Variants in ACVR1C observed in about 807,000 individuals in gnomAD.
ACVR1C encodes activin A receptor type 1C, also known as activin receptor type-1C.
ACVR1C carries 23 observed loss-of-function variants against 57.9 expected under a neutral mutation model. The observed-to-expected ratio is 0.40, with a 90% confidence interval of 0.29 to 0.56. The LOEUF (loss-of-function observed/expected upper bound fraction) is 0.56. ACVR1C is among the 20% of genes least tolerant of loss of function. ACVR1C has a pLI of 0.50. For missense variants in ACVR1C, 480 were observed against 607.9 expected (o/e 0.79, Z 2.21); for synonymous variants, 214 against 215.3 (o/e 0.99, Z 0.05).
At chr2:157,595,670 T>A (rs1209526572) in intron 1 of ACVR1C, among the ~76,000 whole-genome samples, 1 of 152,172 alleles carries the variant, frequency 6.6e-6, no homozygotes, top group Non-Finnish European at 1.5e-5. Context: ...TCCACAATCA[T>A]TATCATGACC....
At chr2:157,562,075 T>A (rs1020085191) in intron 2 of ACVR1C, among the ~76,000 whole-genome samples, 1 of 152,010 alleles carries the variant, frequency 6.6e-6, no homozygotes. Context: ...GGTGGGCGGA[T>A]CATGAGGTAA....
At chr2:157,547,250 C>T (rs13393674) in intron 4 of ACVR1C, among the ~76,000 whole-genome samples, 12,731 of 119,078 alleles carry the variant, frequency 0.11, 959 homozygotes, top group African/African-American at 0.17. Flanking sequence ...CAAGTCTTTG[C>T]TATTGTGAAT....
chr2:157,577,590 GTTTA>G (rs1237092327), intron 2 of ACVR1C, among the ~76,000 whole-genome samples: 1 of 151,954 alleles, frequency 6.6e-6, no homozygotes, highest in Non-Finnish European at 1.5e-5. Context: ...ACTTTTGTTT[GTTTA>G]ATATATGTAT....
intron 3 of ACVR1C, among the ~76,000 whole-genome samples, chr2:157,555,737 T>G (rs572103333): frequency 6.6e-6 from 1 of 152,176 alleles, no homozygotes; most frequent in African/African-American, 2.4e-5. Context: ...CTAACTCTTT[T>G]GTGTCCATAA....
intron 3 of ACVR1C, among the ~76,000 whole-genome samples, chr2:157,552,182 G>C (rs1464341969): frequency 6.6e-6 from 1 of 152,142 alleles, no homozygotes; most frequent in Non-Finnish European, 1.5e-5. Flanking sequence ...TGTCAGGCTG[G>C]AGTGCAGTGG....
chr2:157,533,899 T>C lies in ACVR1C; in HGVS notation c.*19A>G. 1 of 1,526,162 alleles carries C rather than the reference T, an allele frequency of 6.6e-7. No individual in the cohort carries two copies. The highest frequency in any genetic ancestry group is 8.8e-7 in the Non-Finnish European group (1 of 1,142,208). The allele number at this position is 1,526,162 out of a possible 1,614,324, so 94.5% of individuals were successfully genotyped here. A position where few individuals can be genotyped will look rare whatever the true frequency, so the allele number is the denominator to read the frequency against. ...AAAAGAAAGCTATGAGAGATTTCTTTTTAACATAATTATCATCATTAGGCT... is the reference window on the plus strand; with the variant it reads ...AAAAGAAAGCTATGAGAGATTTCTTCTTAACATAATTATCATCATTAGGCT... On this transcript the variant is annotated 3_prime_UTR_variant, in exon 9 of 9. Transcript: ENST00000243349.
Position 157,553,396 on chromosome 2 carries a change from CT to C in ACVR1C, c.544+2696del, listed in dbSNP as rs534657737. 4.0e-3 allele frequency among the ~76,000 whole-genome samples: 582 copies of C among 146,332 alleles called. 1 individual carries two copies. Among genetic ancestry groups the C allele is most frequent in the African/African-American group, 5.6e-3 (228 of 40,354 alleles). On this transcript the variant is annotated intron_variant, in intron 3 of 8. Transcript: ENST00000243349. Reference sequence around the variant, plus strand: ...CATCCATGCTTGGGTACATTTACTACTTTTTTTTTTTTTAAATGAGAGATCT... The same window carrying C: ...CATCCATGCTTGGGTACATTTACTACTTTTTTTTTTTTAAATGAGAGATCT...
At chr2:157,563,697 T>C (rs753685032) in intron 2 of ACVR1C, among the ~76,000 whole-genome samples, 11 of 152,148 alleles carry the variant, frequency 7.2e-5, no homozygotes, top group African/African-American at 1.7e-4. Flanking sequence ...GGAGACATCA[T>C]GCTACCTGAC....
chr2:157,617,402 C>A (rs1483632082), intron 1 of ACVR1C, among the ~76,000 whole-genome samples: 1 of 151,998 alleles, frequency 6.6e-6, no homozygotes, highest in Non-Finnish European at 1.5e-5. Flanking sequence ...ATAAACCTCA[C>A]CTAATTGGCA....
chr2:157,609,839 A>G (rs1682491266), intron 1 of ACVR1C, among the ~76,000 whole-genome samples: 1 of 151,984 alleles, frequency 6.6e-6, no homozygotes, highest in Non-Finnish European at 1.5e-5. Flanking sequence ...CTTTCAGTGT[A>G]TATGGGTCTT....
chr2:157,582,729 G>T (rs149915288), intron 2 of ACVR1C, among the ~76,000 whole-genome samples: 1 of 152,054 alleles, frequency 6.6e-6, no homozygotes, highest in Admixed American at 6.6e-5. Flanking sequence ...GTGCAAAAAC[G>T]CAAGGAAAAG....
At chr2:157,574,203 T>C (rs186536871) in intron 2 of ACVR1C, among the ~76,000 whole-genome samples, 1 of 152,344 alleles carries the variant, frequency 6.6e-6, no homozygotes, top group African/African-American at 2.4e-5. Flanking sequence ...AACAGAAATT[T>C]ATTTCTCATA....
intron 1 of ACVR1C, among the ~76,000 whole-genome samples, chr2:157,614,448 C>T (rs1682598901): frequency 6.6e-6 from 1 of 152,130 alleles, no homozygotes; most frequent in Non-Finnish European, 1.5e-5. Flanking sequence ...ATATTCTATG[C>T]ACACTTTAAA....
intron 2 of ACVR1C, among the ~76,000 whole-genome samples, chr2:157,561,559 G>A (rs1688230209): frequency 6.6e-6 from 1 of 152,170 alleles, no homozygotes; most frequent in Non-Finnish European, 1.5e-5. Flanking sequence ...GGGAAAATAA[G>A]TGGAAATAAT....
intron 1 of ACVR1C, among the ~76,000 whole-genome samples, chr2:157,613,478 C>T (rs914228091): frequency 2.0e-5 from 3 of 151,536 alleles, no homozygotes; most frequent in Non-Finnish European, 4.4e-5. Context: ...TTCAATCTGC[C>T]GTTGATTGAA....
chr2:157,529,957 T>TTA lies in ACVR1C; in HGVS notation c.*3959_*3960dup, dbSNP rs2105194306. Reference sequence around the variant, plus strand: ...AGAAGCAGCTCTCAAGATAAAAGAATTACTGTTTTCACTAAAATAGCAGAA... The same window carrying TTA: ...AGAAGCAGCTCTCAAGATAAAAGAATTATACTGTTTTCACTAAAATAGCAGAA... On this transcript the variant is annotated 3_prime_UTR_variant, in exon 9 of 9. Transcript: ENST00000243349. The TTA allele has an allele frequency of 6.6e-6, 1 of 152,216 alleles. No homozygotes were observed. Among genetic ancestry groups the TTA allele is most frequent in the South Asian group, 2.1e-4 (1 of 4,828 alleles). 9.4% of individuals were successfully genotyped at this position (152,216 alleles called of 1,614,324 possible).
At chr2:157,539,328 T>C in intron 7 of ACVR1C, among the ~76,000 whole-genome samples, 1 of 152,124 alleles carries the variant, frequency 6.6e-6, no homozygotes, top group East Asian at 1.9e-4. Context: ...CAGTTCAACA[T>C]GAAGATTAAT....
intron 2 of ACVR1C, among the ~76,000 whole-genome samples, chr2:157,556,985 T>C (rs1423621623): frequency 5.3e-5 from 8 of 152,164 alleles, no homozygotes; most frequent in Admixed American, 5.2e-4. Flanking sequence ...TTTTAAAGCA[T>C]GTACATTCAT....
chr2:157,597,023 G>A (rs766744444), intron 1 of ACVR1C, among the ~76,000 whole-genome samples: 50 of 152,056 alleles, frequency 3.3e-4, no homozygotes, highest in Non-Finnish European at 6.5e-4. Flanking sequence ...GGGCAGGGGC[G>A]GGAAGGTTTC....
Sources: gnomAD v4.1 joint callset for allele counts (sites outside exome capture counted in the v4.1 genomes callset) on GRCh38, gnomAD v4.1.1 for gene constraint, MANE v1.5 for transcripts, NCBI Gene and HGNC (gene_info 2026-07-23, HGNC 2026-07-21) for gene names.